INPP5F: variants seen among roughly 807,000 people sequenced by gnomAD.
INPP5F encodes the protein inositol polyphosphate-5-phosphatase F.
A neutral mutation model predicts 137.2 loss-of-function variants in INPP5F; 97 were observed. The ratio of observed to expected loss-of-function variants is 0.71; its 90% CI spans 0.60 to 0.84. The LOEUF (loss-of-function observed/expected upper bound fraction) is 0.84, where lower values mean the gene tolerates loss of function less well. INPP5F is among the 40% of genes least tolerant of loss of function. The pLI, the probability that INPP5F is intolerant of heterozygous loss-of-function variation, is 0.00. For synonymous variants in INPP5F, 504 were observed against 476.9 expected (o/e 1.06, Z -0.74); for missense variants, 1,271 against 1,371.9 (o/e 0.93, Z 1.16).
At position 119,787,277 on chromosome 10, in the gene INPP5F, T is replaced by C. The variant is rs1206244488; in HGVS notation, c.316-4240T>C. 1.3e-5 allele frequency among the ~76,000 whole-genome samples: 2 copies of C among 151,822 alleles called. No homozygotes were observed. Among genetic ancestry groups the C allele is most frequent in the African/African-American group, 4.8e-5 (2 of 41,298 alleles). ...CTCTGTTTCAAGCCCAGGATGAGGGTAGATAAAAGAAATAAAAATAGAAAA... is the reference window on the plus strand; with the variant it reads ...CTCTGTTTCAAGCCCAGGATGAGGGCAGATAAAAGAAATAAAAATAGAAAA... On this transcript the variant is annotated intron_variant, in intron 3 of 19. Transcript: ENST00000650623. The surrounding 1 kb of genome is among the most constrained non-coding windows in gnomAD (Gnocchi z 4.1).
At position 119,726,307 on chromosome 10, in the gene INPP5F, C is replaced by T; in HGVS notation, c.45C>T (p.Gly15=). 1 of 1,485,766 alleles carries T rather than the reference C, an allele frequency of 6.7e-7. No homozygotes were observed. The highest frequency in any genetic ancestry group is 2.2e-5 in the Admixed American group (1 of 45,412). The allele number at this position is 1,485,766 out of a possible 1,614,324, so 92.0% of individuals were successfully genotyped here. ...QAKDHYILQQ[G]ERALWCSRRD... ...AGGACCACTACATCCTGCAGCAGGG[C>T]GAGCGCGCGCTGTGGTGCAGCCGCC... Residue 15 remains glycine (G), a synonymous_variant, in exon 1 of 20, where the codon GGC becomes GGT. Coordinates refer to ENST00000650623, the MANE Select transcript of INPP5F (RefSeq NM_014937.4).
chr10:119,779,991 G>A (rs1849650956), intron 2 of INPP5F, among the ~76,000 whole-genome samples: 1 of 152,106 alleles, frequency 6.6e-6, no homozygotes, highest in Non-Finnish European at 1.5e-5. Context: ...CAAGTCTTAT[G>A]TATAGATGTA....
chr10:119,759,276 C>T (rs1291951700), intron 2 of INPP5F, among the ~76,000 whole-genome samples: 1 of 152,188 alleles, frequency 6.6e-6, no homozygotes, highest in East Asian at 1.9e-4. Context: ...CTGCCTTGGC[C>T]TTTCAAAGTG....
intron 4 of INPP5F, 109 bp downstream of exon 4, chr10:119,791,754 C>A: frequency 7.6e-7 from 1 of 1,313,668 alleles, no homozygotes; most frequent in Non-Finnish European, 1.1e-6. Flanking sequence ...TGTATTGAAG[C>A]ACCATCTCCT....
chr10:119,766,664 A>G (rs929428254), intron 2 of INPP5F, among the ~76,000 whole-genome samples: 4 of 151,996 alleles, frequency 2.6e-5, no homozygotes, highest in African/African-American at 7.2e-5. Flanking sequence ...TTAAGCATTG[A>G]TAGAAACAAT....
chr10:119,798,661 T>G (rs2134227543), intron 9 of INPP5F, 51 bp downstream of exon 9: 5 of 1,304,476 alleles, frequency 3.8e-6, no homozygotes, highest in Non-Finnish European at 5.5e-6. Context: ...TAGAAATAAC[T>G]TTTTCTTTAA....
rs1025618815 is a variant in INPP5F, at chr10:119,726,057, C to T, written c.-206C>T. 1 of 364,558 alleles carries T rather than the reference C, an allele frequency of 2.7e-6. No individual in the cohort carries two copies. Among genetic ancestry groups the T allele is most frequent in the Non-Finnish European group, 4.9e-6 (1 of 205,152 alleles). 22.6% of individuals were successfully genotyped at this position (364,558 alleles called of 1,614,324 possible). A position where few individuals can be genotyped will look rare whatever the true frequency, so the allele number is the denominator to read the frequency against. On this transcript the variant is annotated 5_prime_UTR_variant, in exon 1 of 20. Transcript: ENST00000650623. ...AAGGGGAGGAGCGGGGGGGAGAGGC[C>T]TCTACGGCCGCCGCTGCCGCCGCCG...
chr10:119,728,290 T>C (rs1003620383), intron 1 of INPP5F, among the ~76,000 whole-genome samples: 5 of 152,234 alleles, frequency 3.3e-5, no homozygotes, highest in African/African-American at 1.2e-4. Context: ...AGCCAGGGAA[T>C]AAAGAATCCC....
At chr10:119,750,953 C>T (rs1213110723) in intron 1 of INPP5F, 123 bp from the exon 2 acceptor site, 2 of 682,652 alleles carry the variant, frequency 2.9e-6, no homozygotes, top group African/African-American at 1.8e-5. Flanking sequence ...GTAATGTATT[C>T]CATTTGGATA....
chr10:119,763,853 G>C (rs1849077599), intron 2 of INPP5F, among the ~76,000 whole-genome samples: 1 of 152,116 alleles, frequency 6.6e-6, no homozygotes, highest in South Asian at 2.1e-4. Context: ...AATTGCCTCA[G>C]GTAAATATCC....
At chr10:119,820,098 C>T (rs1012983504) in intron 15 of INPP5F, among the ~76,000 whole-genome samples, 1 of 152,148 alleles carries the variant, frequency 6.6e-6, no homozygotes, top group African/African-American at 2.4e-5. Flanking sequence ...CACCTTAATT[C>T]AGATTCTGCC....
chr10:119,803,577 T>G (rs1305038890), intron 9 of INPP5F, among the ~76,000 whole-genome samples: 1 of 152,236 alleles, frequency 6.6e-6, no homozygotes, highest in Non-Finnish European at 1.5e-5. Context: ...GTCCCTTTTT[T>G]ATTATTAGCT....
chr10:119,760,764 G>T lies in INPP5F; in HGVS notation c.178+9608G>T, dbSNP rs1176707009. Among the ~76,000 whole-genome samples the T allele has an allele frequency of 2.6e-5, 4 of 152,302 alleles. No homozygotes were observed. The East Asian group carries it at 7.7e-4, about 29-fold the overall frequency. ...AGCCCGTGGGCTTGATTCCCTTTGT[G>T]TACGGACCAATAACCTCCAGCCTTG... On this transcript the variant is annotated intron_variant, in intron 2 of 19. Coordinates refer to ENST00000650623, the MANE Select transcript of INPP5F (RefSeq NM_014937.4).
rs756640286 is a variant in INPP5F, at chr10:119,811,868, G to A, written c.1799G>A (p.Ser600Asn). The A allele has an allele frequency of 1.9e-6, 3 of 1,614,032 alleles. No individual in the cohort carries two copies. Among genetic ancestry groups the A allele is most frequent in the Admixed American group, 3.3e-5 (2 of 60,004 alleles). ...CAGAGAAGCCACCAGGAACTAATTA[G>A]CCAGCTCTTACAAAGTTACATGAAG... ...ENQRSHQELISQLLQSYMKLL... is the reference protein window; with the variant it reads ...ENQRSHQELINQLLQSYMKLL... Residue 600 changes from serine (S) to asparagine (N), a missense_variant, in exon 15 of 20, where the codon AGC (serine) becomes AAC (asparagine). Ser to Asn is a conservative substitution (Grantham distance 46). This residue lies in a region of INPP5F where 593 missense variants were observed against 712.4 expected (regional missense o/e 0.83). Coordinates refer to ENST00000650623, the MANE Select transcript of INPP5F (RefSeq NM_014937.4).
intron 6 of INPP5F, among the ~76,000 whole-genome samples, chr10:119,793,142 C>T (rs151197196): frequency 3.3e-5 from 5 of 152,138 alleles, no homozygotes; most frequent in African/African-American, 9.7e-5. Flanking sequence ...CTGACAATAT[C>T]GAGCTCTAAC....
chr10:119,761,777 T>A (rs1263124909), intron 2 of INPP5F, among the ~76,000 whole-genome samples: 1 of 152,202 alleles, frequency 6.6e-6, no homozygotes, highest in Non-Finnish European at 1.5e-5. Flanking sequence ...ACCAATGAAG[T>A]AGGTTTTATG....
chr10:119,771,883 T>TATATATACATA (rs1491430102), intron 2 of INPP5F, among the ~76,000 whole-genome samples: 8 of 20,064 alleles, frequency 4.0e-4, no homozygotes, highest in Non-Finnish European at 4.8e-4. Flanking sequence ...TATATATATA[T>TATATATACATA]TTTTTTTTTT....
chr10:119,796,064 C>G lies in INPP5F; in HGVS notation c.670-651C>G, dbSNP rs868804362. Among the ~76,000 whole-genome samples, 104 of 17,922 alleles carry G rather than the reference C, an allele frequency of 5.8e-3. 1 individual carries two copies. In the Middle Eastern group the frequency reaches 0.14, roughly 23 times the overall value. The allele number at this position is 17,922 out of a possible 152,430, so 11.8% of individuals were successfully genotyped here. On this transcript the variant is annotated intron_variant, in intron 6 of 19. Coordinates refer to ENST00000650623, the MANE Select transcript of INPP5F (RefSeq NM_014937.4). ...CTTCGGCTGGGCATCAGAGGGAGAC[C>G]GTGGGGAGAGGGAGAGGGGGAGGGG... is the stretch of plus-strand genomic sequence containing the variant.
intron 9 of INPP5F, among the ~76,000 whole-genome samples, chr10:119,800,766 A>G (rs1304757815): frequency 1.3e-5 from 2 of 152,024 alleles, no homozygotes; most frequent in Non-Finnish European, 2.9e-5. Flanking sequence ...CTTAGGTAAC[A>G]TGGAGAAATC....
Sources: allele counts gnomAD v4.1 joint callset (sites outside exome capture counted in the v4.1 genomes callset), GRCh38; gene constraint gnomAD v4.1.1; regional missense constraint gnomAD v4.1.1; non-coding constraint Gnocchi (gnomAD v3.1); transcripts MANE v1.5; gene names NCBI Gene and HGNC (gene_info 2026-07-23, HGNC 2026-07-21).